The following DAAM2 variants were observed in gnomAD, a reference collection of about 807,000 sequenced individuals.
The protein encoded by DAAM2 is dishevelled associated activator of morphogenesis 2.
DAAM2 carries 39 observed loss-of-function variants against 120.7 expected under a neutral mutation model. The observed-to-expected ratio is 0.32, with a 90% CI of 0.25 to 0.42. The LOEUF (loss-of-function observed/expected upper bound fraction) is 0.42. DAAM2 is among the 10% of genes least tolerant of loss of function. DAAM2 has a pLI of 1.00. For synonymous variants in DAAM2, 488 were observed against 524.9 expected, an observed-to-expected ratio of 0.93 and a Z score of 0.96; for missense variants, 1,283 against 1,401.7, an observed-to-expected ratio of 0.92 and a Z score of 1.35.
intron 1 of DAAM2, among the ~76,000 whole-genome samples, chr6:39,807,688 T>G (rs1460195189): frequency 6.6e-6 from 1 of 152,154 alleles, no homozygotes; most frequent in Non-Finnish European, 1.5e-5. Flanking sequence ...GGGTGATTTT[T>G]GTATTTTTGC....
chr6:39,796,309 A>G (rs958227681), intron 1 of DAAM2, among the ~76,000 whole-genome samples: 1 of 152,146 alleles, frequency 6.6e-6, no homozygotes, highest in Non-Finnish European at 1.5e-5. Context: ...TCTCTCTTTA[A>G]CCATGGCCTG....
At chr6:39,870,716 G>T (rs1274770757) in intron 8 of DAAM2, among the ~76,000 whole-genome samples, 1 of 152,200 alleles carries the variant, frequency 6.6e-6, no homozygotes, top group African/African-American at 2.4e-5. Flanking sequence ...AATATATGAG[G>T]GTACTCTTTG....
chr6:39,846,308 G>A (rs1763587598), intron 1 of DAAM2, among the ~76,000 whole-genome samples: 1 of 152,120 alleles, frequency 6.6e-6, no homozygotes, highest in Non-Finnish European at 1.5e-5. Context: ...GAACTAAAGG[G>A]AGTTCATGGG....
chr6:39,827,431 G>A (rs1411204702), intron 1 of DAAM2, among the ~76,000 whole-genome samples: 1 of 152,188 alleles, frequency 6.6e-6, no homozygotes, highest in Admixed American at 6.5e-5. Flanking sequence ...GGAAGGCACA[G>A]CTATCCAGGA....
chr6:39,867,734 C>A lies in DAAM2; in HGVS notation c.653C>A (p.Ala218Asp). The A allele has an allele frequency of 6.2e-7, 1 of 1,614,034 alleles. No homozygotes were observed. Among genetic ancestry groups the A allele is most frequent in the Non-Finnish European group, 8.5e-7 (1 of 1,179,908 alleles). Reference protein sequence around the residue: ...LRTENSKTKVAVLEILGAVCL... With the variant: ...LRTENSKTKVDVLEILGAVCL... ...ACAGAGAACAGCAAGACCAAGGTGG[C>A]TGTGCTGGAGATCCTGGGTGCTGTG... is the stretch of plus-strand genomic sequence containing the variant. The change falls in exon 6 of 25, where the codon GCT becomes GAT. Residue 218 changes from alanine to aspartate, a missense_variant. Around this residue, in one of 3 missense-constraint regions of DAAM2, gnomAD observed 338 missense variants for 443.9 expected, o/e 0.76. Transcript: ENST00000274867.
At chr6:39,890,167 A>G (rs1451566307) in intron 17 of DAAM2, among the ~76,000 whole-genome samples, 1 of 152,018 alleles carries the variant, frequency 6.6e-6, no homozygotes, top group Non-Finnish European at 1.5e-5. Flanking sequence ...CTGTTCATTG[A>G]GTGGAGGTGG....
intron 15 of DAAM2, chr6:39,886,207 C>T (rs980472042): frequency 2.6e-5 from 10 of 390,016 alleles, no homozygotes; most frequent in African/African-American, 1.2e-4. Context: ...ATCTCCGCTT[C>T]GTTTGGCTTC....
At position 39,867,765 on chromosome 6, in the gene DAAM2, C is replaced by A; in HGVS notation, c.684C>A (p.Leu228=). 1 of 1,613,736 alleles carries A rather than the reference C, an allele frequency of 6.2e-7. No homozygotes were observed. Among genetic ancestry groups the A allele is most frequent in the East Asian group, 2.2e-5 (1 of 44,868 alleles). Residue 228 remains leucine (L), a synonymous_variant, in exon 6 of 25, where the codon CTC becomes CTA. Coordinates refer to ENST00000274867, the MANE Select transcript of DAAM2 (RefSeq NM_001201427.2). Reference sequence around the variant, plus strand: ...TGGAGATCCTGGGTGCTGTGTGCCTCGTGCCTGGTGGCCACAAGAAGGTGC... The same window carrying A: ...TGGAGATCCTGGGTGCTGTGTGCCTAGTGCCTGGTGGCCACAAGAAGGTGC... ...AVLEILGAVC[L]VPGGHKKVLQ...
chr6:39,887,375 C>A, intron 15 of DAAM2, 111 bp from the exon 16 acceptor site: 4 of 688,380 alleles, frequency 5.8e-6, no homozygotes, highest in Admixed American at 5.0e-5. Context: ...TTCCCCCTTC[C>A]CCTCACACCA....
intron 2 of DAAM2, among the ~76,000 whole-genome samples, chr6:39,857,121 G>A (rs1328903838): frequency 2.6e-5 from 4 of 152,218 alleles, no homozygotes; most frequent in Non-Finnish European, 5.9e-5. Flanking sequence ...CCGTGTGTGT[G>A]CAGCTTTATA....
chr6:39,833,483 T>C (rs1762992689), intron 1 of DAAM2, among the ~76,000 whole-genome samples: 1 of 152,138 alleles, frequency 6.6e-6, no homozygotes, highest in Admixed American at 6.6e-5. Flanking sequence ...TTTTTTCATA[T>C]TTTTATTAGA....
intron 1 of DAAM2, among the ~76,000 whole-genome samples, chr6:39,846,219 C>T (rs1041875456): frequency 3.9e-5 from 6 of 152,070 alleles, no homozygotes; most frequent in African/African-American, 9.7e-5. Context: ...TACCCAGCCC[C>T]AAGAGCAGTG....
At chr6:39,891,245 C>A in intron 17 of DAAM2, 96 bp from the exon 18 acceptor site, 1 of 922,914 alleles carries the variant, frequency 1.1e-6, no homozygotes, top group Non-Finnish European at 1.7e-6. Context: ...AAGGCACCCT[C>A]CCCATCTTGA....
At position 39,897,105 on chromosome 6, in the gene DAAM2, T is replaced by TCCTCTGAC. The variant is rs924679477; in HGVS notation, c.2511-57_2511-50dup. Reference sequence around the variant, plus strand: ...ATCACCCCTTTCTCTTAACACTCCATCCTCTGACCCTCTGACCCTCGTGCC... The same window carrying TCCTCTGAC: ...ATCACCCCTTTCTCTTAACACTCCATCCTCTGACCCTCTGACCCTCTGACCCTCGTGCC... On this transcript the variant is annotated intron_variant, in intron 20 of 24. Coordinates refer to ENST00000274867, the MANE Select transcript of DAAM2 (RefSeq NM_001201427.2). The TCCTCTGAC allele has an allele frequency of 1.1e-5, 16 of 1,521,778 alleles. No individual in the cohort carries two copies. The African/African-American group carries it at 1.4e-4, about 13-fold the overall frequency. The allele number at this position is 1,521,778 out of a possible 1,614,324, so 94.3% of individuals were successfully genotyped here. A position where few individuals can be genotyped will look rare whatever the true frequency, so the allele number is the denominator to read the frequency against.
Position 39,904,701 on chromosome 6 carries a change from C to T in DAAM2, c.*2664C>T, listed in dbSNP as rs1390251007. ...CTGGGGAACTGTGACTATCTATCTC[C>T]CCCGACTTCTACCAGGGATGCCTTC... On this transcript the variant is annotated 3_prime_UTR_variant, in exon 25 of 25. Transcript: ENST00000274867. The T allele has an allele frequency of 2.2e-6, 1 of 454,072 alleles. No homozygotes were observed. The highest frequency in any genetic ancestry group is 4.4e-6 in the Non-Finnish European group (1 of 226,774). 28.1% of individuals were successfully genotyped at this position (454,072 alleles called of 1,614,324 possible).
At chr6:39,833,233 TTTTC>T (rs909730383) in intron 1 of DAAM2, among the ~76,000 whole-genome samples, 1 of 152,034 alleles carries the variant, frequency 6.6e-6, no homozygotes, top group African/African-American at 2.4e-5. Flanking sequence ...ACTAGAAAGA[TTTTC>T]TTTTTCTTTT....
At chr6:39,805,801 C>T (rs1761994335) in intron 1 of DAAM2, among the ~76,000 whole-genome samples, 1 of 152,154 alleles carries the variant, frequency 6.6e-6, no homozygotes. Flanking sequence ...ATCCACCCGC[C>T]TTGGCCTCCC....
Position 39,852,904 on chromosome 6 carries a change from G to A in DAAM2, c.-56-3343G>A, listed in dbSNP as rs931367809. On this transcript the variant is annotated intron_variant, in intron 1 of 24. Transcript: ENST00000274867. ...TCAGATGATGGAAGCAGCTCCTACT[G>A]ATGAGGAGAAGGAGGCAGCATTTGG... 7.2e-5 allele frequency among the ~76,000 whole-genome samples: 11 copies of A among 152,230 alleles called. No homozygotes were observed. The South Asian group carries it at 8.3e-4, about 11-fold the overall frequency.
At chr6:39,869,413 C>T (rs941553126) in intron 7 of DAAM2, among the ~76,000 whole-genome samples, 3 of 152,028 alleles carry the variant, frequency 2.0e-5, no homozygotes, top group African/African-American at 4.8e-5. Flanking sequence ...GGTGAAGCCC[C>T]GTCTCCACTA....
Sources: gnomAD v4.1 joint callset for allele counts (sites outside exome capture counted in the v4.1 genomes callset) on GRCh38, gnomAD v4.1.1 for gene constraint, gnomAD v4.1.1 regional missense constraint, MANE v1.5 for transcripts, NCBI Gene and HGNC (gene_info 2026-07-23, HGNC 2026-07-21) for gene names.